Variants in LRP1B observed in about 807,000 individuals in gnomAD.
LRP1B encodes low-density lipoprotein receptor-related protein 1B.
A neutral mutation model predicts 556.6 loss-of-function variants in LRP1B; 217 were observed. That is an observed-to-expected ratio of 0.39 (90% confidence interval 0.35 to 0.44). The LOEUF is 0.44. Among genes scored for constraint, LRP1B ranks in the 20% least tolerant of loss-of-function variants. The probability of loss-of-function intolerance (pLI) is 1.00; values close to 1 mark genes in which losing one functional copy is unlikely to be tolerated. For missense variants in LRP1B, 5,053 were observed against 5,620.8 expected (o/e 0.90, Z 3.23); for synonymous variants, 2,047 against 1,865.8 (o/e 1.10, Z -2.50).
At chr2:141,087,707 T>C (rs1700080047) in intron 7 of LRP1B, among the ~76,000 whole-genome samples, 1 of 152,130 alleles carries the variant, frequency 6.6e-6, no homozygotes, top group South Asian at 2.1e-4. Context: ...AAGGAAAACT[T>C]TACAGCATGA....
chr2:140,502,392 T>C (rs1346700623), intron 54 of LRP1B, among the ~76,000 whole-genome samples: 1 of 152,022 alleles, frequency 6.6e-6, no homozygotes, highest in East Asian at 1.9e-4. Flanking sequence ...AATAGCTGGA[T>C]GACTTGAACA....
rs559785567 is a variant in LRP1B at position 141,623,046 on chromosome 2, G to T, written c.206-142513C>A. ...CATCAACTTGTCCTTGAAGACTACG[G>T]CAAGTCCAGCTGGAATTGGCTAAGA... On this transcript the variant is annotated intron_variant, in intron 2 of 90. Coordinates refer to ENST00000389484, the MANE Select transcript of LRP1B (RefSeq NM_018557.3). Among the ~76,000 whole-genome samples the T allele has an allele frequency of 3.4e-4, 51 of 152,212 alleles. No individual in the cohort carries two copies. The South Asian group carries it at 0.01, about 30-fold the overall frequency.
intron 8 of LRP1B, among the ~76,000 whole-genome samples, chr2:141,060,515 C>T (rs1351113769): frequency 6.6e-6 from 1 of 151,736 alleles, no homozygotes; most frequent in Admixed American, 6.6e-5. Context: ...AAGCTCAAGA[C>T]TCTTCCTTTG....
chr2:140,821,035 T>A (rs1281147517), intron 31 of LRP1B, among the ~76,000 whole-genome samples: 1 of 152,164 alleles, frequency 6.6e-6, no homozygotes, highest in East Asian at 1.9e-4. Flanking sequence ...ATTTTCAGTG[T>A]CTACTTAACT....
At chr2:140,904,568 C>T (rs1402459790) in intron 22 of LRP1B, among the ~76,000 whole-genome samples, 4 of 152,054 alleles carry the variant, frequency 2.6e-5, no homozygotes, top group Non-Finnish European at 5.9e-5. Context: ...TGGGTCAACT[C>T]TTCTTCATAT....
intron 3 of LRP1B, among the ~76,000 whole-genome samples, chr2:141,269,061 T>C (rs1398333569): frequency 6.6e-6 from 1 of 152,142 alleles, no homozygotes; most frequent in East Asian, 1.9e-4. Flanking sequence ...AGAGCCATGA[T>C]GCAGATGTTT....
intron 2 of LRP1B, among the ~76,000 whole-genome samples, chr2:141,719,975 A>G (rs2105495809): frequency 6.6e-6 from 1 of 152,256 alleles, no homozygotes; most frequent in South Asian, 2.1e-4. Context: ...ACAAACCTGG[A>G]CATGTATCCT....
intron 41 of LRP1B, among the ~76,000 whole-genome samples, chr2:140,633,012 G>T: frequency 6.6e-6 from 1 of 150,436 alleles, no homozygotes; most frequent in Admixed American, 6.7e-5. Context: ...GCAGTGAGCC[G>T]AGATCATGCC....
chr2:141,421,036 CT>C (rs1680118527), intron 3 of LRP1B, among the ~76,000 whole-genome samples: 1 of 152,154 alleles, frequency 6.6e-6, no homozygotes, highest in Non-Finnish European at 1.5e-5. Flanking sequence ...CGTAGCTGTT[CT>C]TGGCTTTGTG....
intron 7 of LRP1B, among the ~76,000 whole-genome samples, chr2:141,116,265 G>T (rs1700896324): frequency 6.6e-6 from 1 of 152,080 alleles, no homozygotes; most frequent in South Asian, 2.1e-4. Flanking sequence ...TTAAAATAAA[G>T]ATACTAAGTG....
intron 43 of LRP1B, among the ~76,000 whole-genome samples, chr2:140,594,996 T>C (rs1408950097): frequency 6.6e-6 from 1 of 150,872 alleles, no homozygotes; most frequent in Non-Finnish European, 1.5e-5. Flanking sequence ...GTCACACATT[T>C]CTTCAGTGCC....
intron 65 of LRP1B, among the ~76,000 whole-genome samples, chr2:140,443,486 T>C (rs1686519284): frequency 6.6e-6 from 1 of 152,230 alleles, no homozygotes; most frequent in Admixed American, 6.5e-5. Context: ...GACTTTATTC[T>C]GAATGCACCA....
At chr2:141,671,644 T>A (rs980668407) in intron 2 of LRP1B, among the ~76,000 whole-genome samples, 1 of 152,112 alleles carries the variant, frequency 6.6e-6, no homozygotes, top group Non-Finnish European at 1.5e-5. Context: ...TCTTCTAGAT[T>A]TTTTTCTGAT....
chr2:140,528,128 T>C (rs1315642856), intron 47 of LRP1B, among the ~76,000 whole-genome samples: 2 of 151,670 alleles, frequency 1.3e-5, no homozygotes, highest in Non-Finnish European at 1.5e-5. Context: ...GCAGAGACAA[T>C]GAGGAGGCAA....
chr2:141,220,396 CA>C (rs1682986798), intron 6 of LRP1B, among the ~76,000 whole-genome samples: 1 of 151,878 alleles, frequency 6.6e-6, no homozygotes, highest in African/African-American at 2.4e-5. Context: ...AAGGAACAAA[CA>C]AAACATGAGA....
chr2:140,485,254 T>G, intron 59 of LRP1B, 89 bp downstream of exon 59: 4 of 950,702 alleles, frequency 4.2e-6, no homozygotes, highest in Non-Finnish European at 6.0e-6. Context: ...TTACATTGGA[T>G]TTCCATGTTA....
intron 1 of LRP1B, among the ~76,000 whole-genome samples, chr2:142,032,575 T>C (rs1342476813): frequency 6.6e-6 from 1 of 151,868 alleles, no homozygotes; most frequent in Non-Finnish European, 1.5e-5. Flanking sequence ...ACCATCATCA[T>C]TATTTTTAGT....
chr2:140,326,904 A>T (rs923633465), intron 79 of LRP1B, among the ~76,000 whole-genome samples: 1 of 152,088 alleles, frequency 6.6e-6, no homozygotes, highest in Non-Finnish European at 1.5e-5. Context: ...CATGAATGTG[A>T]TTGGAATCCA....
intron 6 of LRP1B, among the ~76,000 whole-genome samples, chr2:141,190,638 C>T (rs1351183619): frequency 6.6e-6 from 1 of 151,976 alleles, no homozygotes; most frequent in Non-Finnish European, 1.5e-5. Flanking sequence ...ACCAGCAATA[C>T]TGGTCTGTTT....
Sources: gnomAD v4.1 joint callset for allele counts (sites outside exome capture counted in the v4.1 genomes callset) on GRCh38, gnomAD v4.1.1 for gene constraint, MANE v1.5 for transcripts, NCBI Gene and HGNC (gene_info 2026-07-23, HGNC 2026-07-21) for gene names.